The following MYT1L variants were observed in gnomAD, a reference collection of about 807,000 sequenced individuals.
MYT1L encodes the protein myelin transcription factor 1 like.
MYT1L carries 12 observed loss-of-function variants against 126.7 expected under a neutral mutation model. The observed-to-expected ratio is 0.09, with a 90% confidence interval of 0.06 to 0.15. The LOEUF is 0.15. MYT1L is among the 10% of genes least tolerant of loss of function. The probability of loss-of-function intolerance (pLI) is 1.00; values close to 1 mark genes in which losing one functional copy is unlikely to be tolerated. For missense variants in MYT1L, 979 were observed against 1,585.2 expected, an observed-to-expected ratio of 0.62 and a Z score of 6.49; for synonymous variants, 541 against 604.2, an observed-to-expected ratio of 0.90 and a Z score of 1.53.
intron 14 of MYT1L, among the ~76,000 whole-genome samples, chr2:1,895,262 G>C (rs375838890): frequency 6.6e-6 from 1 of 152,210 alleles, no homozygotes; most frequent in Non-Finnish European, 1.5e-5. Flanking sequence ...AATCAATATT[G>C]TTAAAATGGC....
intron 5 of MYT1L, among the ~76,000 whole-genome samples, chr2:1,982,374 A>G (rs987757526): frequency 1.3e-5 from 2 of 152,220 alleles, no homozygotes; most frequent in Non-Finnish European, 2.9e-5. Flanking sequence ...GGAATTCAAA[A>G]TTGAATTAAA....
At chr2:1,965,366 C>G (rs1327315383) in intron 8 of MYT1L, among the ~76,000 whole-genome samples, 8 of 149,088 alleles carry the variant, frequency 5.4e-5, no homozygotes, top group Non-Finnish European at 8.9e-5. Context: ...AGGACCCAGG[C>G]ACTCTGTGAC....
chr2:1,953,859 A>G (rs1361120624), intron 8 of MYT1L, among the ~76,000 whole-genome samples: 1 of 152,228 alleles, frequency 6.6e-6, no homozygotes. Context: ...TAATGTTACC[A>G]CAGAAGTATT....
chr2:2,150,633 C>T (rs2085605419), intron 3 of MYT1L, among the ~76,000 whole-genome samples: 1 of 152,164 alleles, frequency 6.6e-6, no homozygotes, highest in East Asian at 1.9e-4. Flanking sequence ...ATTTTGATCT[C>T]TAACCTAAAA....
chr2:1,855,390 T>C (rs915395371), intron 18 of MYT1L, among the ~76,000 whole-genome samples: 12 of 152,212 alleles, frequency 7.9e-5, no homozygotes, highest in Non-Finnish European at 1.6e-4. Context: ...TAGAATCAGA[T>C]GGCAGCCTGT....
rs2053015955 is a variant in MYT1L at position 1,917,506 on chromosome 2, C to CCAGAACCTTAGG, written c.1484-168_1484-167insCCTAAGGTTCTG. 3.3e-5 allele frequency among the ~76,000 whole-genome samples: 5 copies of CCAGAACCTTAGG among 152,178 alleles called. No homozygotes were observed. Among genetic ancestry groups the CCAGAACCTTAGG allele is most frequent in the Admixed American group, 2.0e-4 (3 of 15,294 alleles). ...TAGATAGTTCTTTGGTTTTGGGTGA[C>CCAGAACCTTAGG]TTTTTTCAACCTTACACAGTATAAT... On this transcript the variant is annotated intron_variant, in intron 10 of 24. Coordinates refer to ENST00000647738, the MANE Select transcript of MYT1L (RefSeq NM_001303052.2). The surrounding 1 kb of genome is among the most constrained non-coding windows in gnomAD (Gnocchi z 5.9).
intron 20 of MYT1L, among the ~76,000 whole-genome samples, chr2:1,839,858 C>T: frequency 6.6e-6 from 1 of 152,206 alleles, no homozygotes; most frequent in East Asian, 1.9e-4. Flanking sequence ...CCTTAAAATG[C>T]CCTTCCAGCT....
chr2:2,288,167 C>T (rs1464823708), intron 1 of MYT1L, among the ~76,000 whole-genome samples: 3 of 152,102 alleles, frequency 2.0e-5, no homozygotes, highest in Non-Finnish European at 4.4e-5. Flanking sequence ...TCATTTAATC[C>T]TCACGACCAG....
chr2:2,007,322 C>A (rs764548385), intron 4 of MYT1L, among the ~76,000 whole-genome samples: 6 of 142,492 alleles, frequency 4.2e-5, no homozygotes, highest in Non-Finnish European at 6.5e-5. Flanking sequence ...CCTCACCAAC[C>A]CTTGCTATCT....
At chr2:1,900,910 C>A (rs960739313) in intron 14 of MYT1L, among the ~76,000 whole-genome samples, 9 of 152,158 alleles carry the variant, frequency 5.9e-5, no homozygotes, top group African/African-American at 1.9e-4. Context: ...GCCGGGAATG[C>A]GATGATCAAT....
chr2:2,038,593 A>G (rs2067150018), intron 4 of MYT1L, among the ~76,000 whole-genome samples: 1 of 152,078 alleles, frequency 6.6e-6, no homozygotes, highest in African/African-American at 2.4e-5. Flanking sequence ...CCTGCCACCA[A>G]ATATCTCCCC....
chr2:2,021,207 C>A (rs2065000661), intron 4 of MYT1L, among the ~76,000 whole-genome samples: 3 of 152,222 alleles, frequency 2.0e-5, no homozygotes, highest in African/African-American at 7.2e-5. Flanking sequence ...AGACTGAGGA[C>A]ACAGCAGGTG....
chr2:2,271,181 C>A (rs2095257105), intron 2 of MYT1L, among the ~76,000 whole-genome samples: 1 of 152,158 alleles, frequency 6.6e-6, no homozygotes, highest in Non-Finnish European at 1.5e-5. Context: ...AACAGTCTGG[C>A]CAGGTCACAG....
In MYT1L at chr2:1,884,804, G is replaced by A. The variant is rs181964492; in HGVS notation, c.2711+1735C>T. 5.9e-3 allele frequency among the ~76,000 whole-genome samples: 903 copies of A among 152,306 alleles called. 6 individuals carry two copies. Among genetic ancestry groups the A allele is most frequent in the Non-Finnish European group, 9.3e-3 (633 of 68,020 alleles). ...CCCTCCAGGACAAGACAGGAAGGAG[G>A]GGCTGCCCATGCGCACCCTGCCCTG... On this transcript the variant is annotated intron_variant, in intron 18 of 24. Transcript: ENST00000647738.
chr2:1,826,143 C>T (rs1045625996), intron 21 of MYT1L: 3 of 152,452 alleles, frequency 2.0e-5, no homozygotes, highest in Admixed American at 6.5e-5. Flanking sequence ...CTGCAGAGGA[C>T]CCCCTTAGGC....
At chr2:1,812,956 T>C (rs2036919794) in intron 21 of MYT1L, among the ~76,000 whole-genome samples, 1 of 149,738 alleles carries the variant, frequency 6.7e-6, no homozygotes, top group Non-Finnish European at 1.5e-5. Context: ...GGTGAGGGCC[T>C]CCTGCAGAGG....
chr2:1,952,740 C>T (rs2057907426), intron 8 of MYT1L, among the ~76,000 whole-genome samples: 1 of 59,282 alleles, frequency 1.7e-5, no homozygotes, highest in Admixed American at 1.5e-4. Context: ...TCCCTCCTTC[C>T]TTCCCTTCCC....
intron 2 of MYT1L, among the ~76,000 whole-genome samples, chr2:2,260,978 A>T (rs1283203091): frequency 1.3e-5 from 2 of 152,158 alleles, no homozygotes; most frequent in African/African-American, 4.8e-5. Context: ...CCTGTCCTTG[A>T]TACTTTGTTA....
intron 4 of MYT1L, among the ~76,000 whole-genome samples, chr2:2,015,518 G>A (rs535593417): frequency 6.6e-6 from 1 of 152,298 alleles, no homozygotes; most frequent in South Asian, 2.1e-4. Context: ...CTATCTTTGG[G>A]CCTTCCAAGC....
Sources: allele counts gnomAD v4.1 joint callset (sites outside exome capture counted in the v4.1 genomes callset), GRCh38; gene constraint gnomAD v4.1.1; non-coding constraint Gnocchi (gnomAD v3.1); transcripts MANE v1.5; gene names NCBI Gene and HGNC (gene_info 2026-07-23, HGNC 2026-07-21).